Variants in ADGRB3 observed in about 807,000 individuals in gnomAD.
ADGRB3 encodes the protein brain-specific angiogenesis inhibitor 3.
Under a neutral mutation model 193.4 loss-of-function variants are expected in ADGRB3, and 37 were observed. The ratio of observed to expected loss-of-function variants is 0.19; its 90% confidence interval spans 0.15 to 0.25. The LOEUF (loss-of-function observed/expected upper bound fraction) is 0.25, where lower values mean the gene tolerates loss of function less well. ADGRB3 is among the 10% of genes least tolerant of loss of function. The probability of loss-of-function intolerance (pLI) is 1.00; values close to 1 mark genes in which losing one functional copy is unlikely to be tolerated. For missense variants in ADGRB3, 1,637 were observed against 1,852.9 expected, an observed-to-expected ratio of 0.88 and a Z score of 2.14; for synonymous variants, 690 against 644.2, an observed-to-expected ratio of 1.07 and a Z score of -1.08.
intron 5 of ADGRB3, among the ~76,000 whole-genome samples, chr6:68,942,664 G>A (rs1767676496): frequency 6.6e-6 from 1 of 151,962 alleles, no homozygotes. Flanking sequence ...AGGCTGGAGT[G>A]CAGTGGCATG....
At chr6:69,055,018 T>C (rs1771503133) in intron 15 of ADGRB3, among the ~76,000 whole-genome samples, 1 of 152,184 alleles carries the variant, frequency 6.6e-6, no homozygotes, top group African/African-American at 2.4e-5. Flanking sequence ...AGGACTATAG[T>C]AACTTTACTA....
At chr6:69,270,442 A>G (rs1409829544) in intron 20 of ADGRB3, among the ~76,000 whole-genome samples, 1 of 152,176 alleles carries the variant, frequency 6.6e-6, no homozygotes, top group Non-Finnish European at 1.5e-5. Context: ...AAATGAAATT[A>G]TAAATATTTT....
chr6:68,848,124 A>C (rs1339860935), intron 3 of ADGRB3, among the ~76,000 whole-genome samples: 1 of 152,068 alleles, frequency 6.6e-6, no homozygotes, highest in Non-Finnish European at 1.5e-5. Flanking sequence ...ACAGTTTATA[A>C]TTTTAAAAGG....
intron 3 of ADGRB3, among the ~76,000 whole-genome samples, chr6:68,707,110 CAAAA>C (rs11349240): frequency 2.2e-5 from 2 of 90,534 alleles, no homozygotes. Context: ...GACTCCATCT[CAAAA>C]AAAAAAAAAA....
At chr6:69,100,749 T>C (rs1773008083) in intron 17 of ADGRB3, among the ~76,000 whole-genome samples, 1 of 148,114 alleles carries the variant, frequency 6.8e-6, no homozygotes, top group African/African-American at 2.5e-5. Context: ...TTTAAAGCCT[T>C]TAAATTCAGT....
chr6:68,835,549 T>G (rs965639130), intron 3 of ADGRB3, among the ~76,000 whole-genome samples: 3 of 152,270 alleles, frequency 2.0e-5, no homozygotes, highest in Admixed American at 1.3e-4. Context: ...AAACATGATA[T>G]ATGTTCCTAT....
At chr6:68,862,729 C>G (rs1765191339) in intron 3 of ADGRB3, among the ~76,000 whole-genome samples, 1 of 152,082 alleles carries the variant, frequency 6.6e-6, no homozygotes, top group African/African-American at 2.4e-5. Flanking sequence ...ACAATGATCC[C>G]TGCTTCCCTT....
intron 3 of ADGRB3, among the ~76,000 whole-genome samples, chr6:68,917,576 A>C (rs190341400): frequency 4.1e-4 from 63 of 152,316 alleles, no homozygotes; most frequent in African/African-American, 1.4e-3. Context: ...GGGTACTAAT[A>C]ACTCAATATT....
At position 69,388,931 on chromosome 6, in the gene ADGRB3, G is replaced by T; in HGVS notation, c.*40G>T. On this transcript the variant is annotated 3_prime_UTR_variant, in exon 32 of 32. Transcript: ENST00000370598. ...ACTAAGGTAGAGACAAAACTTTATTGCACTGACACTTAAGACTTGGGAAGC... is the reference window on the plus strand; with the variant it reads ...ACTAAGGTAGAGACAAAACTTTATTTCACTGACACTTAAGACTTGGGAAGC... 1 of 1,569,916 alleles carries T rather than the reference G, an allele frequency of 6.4e-7. No individual in the cohort carries two copies. Among genetic ancestry groups the T allele is most frequent in the Admixed American group, 1.8e-5 (1 of 56,082 alleles).
chr6:68,886,273 A>T (rs756249088), intron 3 of ADGRB3, among the ~76,000 whole-genome samples: 7 of 152,038 alleles, frequency 4.6e-5, no homozygotes, highest in Non-Finnish European at 7.4e-5. Context: ...CCAATATTTT[A>T]CCTAAAGTAC....
rs1471946418 is a variant in ADGRB3 at position 68,816,259 on chromosome 6, C to G, written c.758-114300C>G. Among the ~76,000 whole-genome samples, 3 of 151,786 alleles carry G rather than the reference C, an allele frequency of 2.0e-5. No homozygotes were observed. In the South Asian group the frequency reaches 6.2e-4, roughly 32 times the overall value. ...AAATATTTAGTTTGGAACAAGTAGC[C>G]AATGCTTATTGGAATAAAAATTATC... On this transcript the variant is annotated intron_variant, in intron 3 of 31. Coordinates refer to ENST00000370598, the MANE Select transcript of ADGRB3 (RefSeq NM_001704.3).
At chr6:68,829,745 CTGTT>C (rs1304892656) in intron 3 of ADGRB3, among the ~76,000 whole-genome samples, 2 of 152,068 alleles carry the variant, frequency 1.3e-5, no homozygotes, top group Non-Finnish European at 2.9e-5. Context: ...ATAATTAAAA[CTGTT>C]TGCTTAAAAA....
At chr6:68,973,388 T>C (rs1393074502) in intron 8 of ADGRB3, among the ~76,000 whole-genome samples, 1 of 152,226 alleles carries the variant, frequency 6.6e-6, no homozygotes. Flanking sequence ...TAATTATTTT[T>C]TAAATATTAT....
At chr6:69,157,166 A>G (rs1323328617) in intron 17 of ADGRB3, among the ~76,000 whole-genome samples, 1 of 152,230 alleles carries the variant, frequency 6.6e-6, no homozygotes, top group East Asian at 1.9e-4. Flanking sequence ...GATAATATCT[A>G]CTTTATAGGA....
At chr6:68,979,863 T>A (rs1416315088) in intron 10 of ADGRB3, among the ~76,000 whole-genome samples, 2 of 151,364 alleles carry the variant, frequency 1.3e-5, no homozygotes, top group Non-Finnish European at 3.0e-5. Flanking sequence ...CTCTTCTCTC[T>A]CCTCTTCCTC....
intron 3 of ADGRB3, among the ~76,000 whole-genome samples, chr6:68,792,623 T>G (rs1767129245): frequency 6.6e-6 from 1 of 152,184 alleles, no homozygotes; most frequent in Non-Finnish European, 1.5e-5. Context: ...ACAATCTATT[T>G]ACTCTGCACT....
chr6:69,016,288 A>C (rs1770088087), intron 12 of ADGRB3, among the ~76,000 whole-genome samples: 1 of 151,948 alleles, frequency 6.6e-6, no homozygotes, highest in Non-Finnish European at 1.5e-5. Flanking sequence ...AACCTAAAAA[A>C]TCTCTCCACC....
At chr6:68,661,037 T>A (rs1768618137) in intron 3 of ADGRB3, among the ~76,000 whole-genome samples, 2 of 150,510 alleles carry the variant, frequency 1.3e-5, no homozygotes. Context: ...CACAGTGAAG[T>A]AGTATACTAT....
intron 1 of ADGRB3, among the ~76,000 whole-genome samples, chr6:68,636,443 GATAAATAAATAAATAA>G (rs79779792): frequency 6.9e-6 from 1 of 145,146 alleles, no homozygotes; most frequent in Non-Finnish European, 1.5e-5. Context: ...CTCAGCAAGA[GATAAATAAATAAATAA>G]ATAAATAAAT....
Sources: allele counts gnomAD v4.1 joint callset (sites outside exome capture counted in the v4.1 genomes callset), GRCh38; gene constraint gnomAD v4.1.1; transcripts MANE v1.5; gene names NCBI Gene and HGNC (gene_info 2026-07-23, HGNC 2026-07-21).